The following GPHN variants were observed in gnomAD, a reference collection of about 807,000 sequenced individuals.
GPHN encodes the protein gephyrin.
In GPHN, 17 loss-of-function variants were observed where a neutral mutation model predicts 95.5. The observed-to-expected ratio is 0.18, with a 90% CI of 0.12 to 0.27. GPHN has a LOEUF of 0.27. Among genes scored for constraint, GPHN ranks in the 10% least tolerant of loss-of-function variants. The pLI is 1.00. For missense variants in GPHN, 660 were observed against 978.1 expected (o/e 0.67, Z 4.34); for synonymous variants, 320 against 322.5 (o/e 0.99, Z 0.08).
the GPHN span, among the ~76,000 whole-genome samples, chr14:67,371,050 A>T: frequency 6.6e-6 from 1 of 152,136 alleles, no homozygotes; most frequent in Admixed American, 6.5e-5. Flanking sequence ...TCTAGGCCAG[A>T]TGGTTAAATT....
chr14:67,379,363 A>G, the GPHN span, among the ~76,000 whole-genome samples: 2 of 152,026 alleles, frequency 1.3e-5, no homozygotes, highest in Admixed American at 1.3e-4. Context: ...GTATCTTTTG[A>G]TTTGCATACT....
At chr14:66,801,738 A>G (rs2060358325) in intron 3 of GPHN, among the ~76,000 whole-genome samples, 1 of 146,522 alleles carries the variant, frequency 6.8e-6, no homozygotes, top group Non-Finnish European at 1.5e-5. Context: ...AAGCCAGCAC[A>G]ATATTGGGTC....
intron 1 of GPHN, among the ~76,000 whole-genome samples, chr14:66,584,697 T>G (rs1282087877): frequency 2.6e-5 from 4 of 152,196 alleles, no homozygotes; most frequent in Non-Finnish European, 5.9e-5. Context: ...CATTTATTGA[T>G]TTTCGTATGT....
intron 1 of GPHN, among the ~76,000 whole-genome samples, chr14:66,652,752 G>T (rs1247868139): frequency 6.6e-6 from 1 of 152,120 alleles, no homozygotes; most frequent in Non-Finnish European, 1.5e-5. Context: ...CTTGTGAGCG[G>T]TTGGCAGAGA....
the GPHN span, chr14:67,384,479 A>G: frequency 1.3e-5 from 2 of 152,014 alleles, no homozygotes; most frequent in South Asian, 2.1e-4. Flanking sequence ...AGTCAGGTGT[A>G]GAAAATCTTG....
In GPHN at chr14:66,545,394, C is replaced by A. The variant is rs1466808179; in HGVS notation, c.64+36803C>A. 4.5e-5 allele frequency among the ~76,000 whole-genome samples: 6 copies of A among 133,328 alleles called. 1 individual carries two copies. The highest frequency in any genetic ancestry group is 2.5e-4 in the East Asian group (1 of 3,966). The allele number at this position is 133,328 out of a possible 152,430, so 87.5% of individuals were successfully genotyped here. A position where few individuals can be genotyped will look rare whatever the true frequency, so the allele number is the denominator to read the frequency against. ...TGGCCAGGCGGGGGGCTGACCCCCC[C>A]ACCTCCCTCCCGGATGGGGCGGCTG... On this transcript the variant is annotated intron_variant, in intron 1 of 22. Coordinates refer to ENST00000478722, the MANE Select transcript of GPHN (RefSeq NM_020806.5).
rs763215102 is a variant in GPHN, at chr14:67,110,242, A to T, written c.1396A>T (p.Ile466Phe). Reference protein sequence around the residue: ...AVVQVEDTELIRESDDGTEEL... With the variant: ...AVVQVEDTELFRESDDGTEEL... ...AGTACAAGTGGAAGATACCGAACTT[A>T]TCAGGGAATCAGATGATGTACGTCA... The change falls in exon 14 of 23, where the codon ATC becomes TTC. Residue 466 changes from isoleucine (I) to phenylalanine (F), a missense_variant. Physicochemically the swap from Ile to Phe is conservative, Grantham distance 21. This residue lies in a region of GPHN where 257 missense variants were observed against 376.2 expected (regional missense o/e 0.68). Transcript: ENST00000478722. 6.2e-7 allele frequency: 1 copy of T among 1,613,750 alleles called. No homozygotes were observed. Among genetic ancestry groups the T allele is most frequent in the Non-Finnish European group, 8.5e-7 (1 of 1,179,664 alleles).
the GPHN span, among the ~76,000 whole-genome samples, chr14:67,245,094 C>G: frequency 6.6e-6 from 1 of 152,190 alleles, no homozygotes; most frequent in African/African-American, 2.4e-5. Flanking sequence ...AAGAAAGCAG[C>G]CCTGCCAGTA....
At chr14:67,609,744 ACC>A in the GPHN span, among the ~76,000 whole-genome samples, 3 of 152,182 alleles carry the variant, frequency 2.0e-5, no homozygotes, top group African/African-American at 7.2e-5. Flanking sequence ...TGTTTCAGCA[ACC>A]AAGGACAAAA....
chr14:67,686,429 A>G, the GPHN span, among the ~76,000 whole-genome samples: 3 of 152,094 alleles, frequency 2.0e-5, no homozygotes, highest in Admixed American at 6.5e-5. Context: ...GCCTGAGCTC[A>G]GGAGTTATAG....
chr14:66,638,333 C>G (rs527476278), intron 1 of GPHN, among the ~76,000 whole-genome samples: 21 of 152,064 alleles, frequency 1.4e-4, no homozygotes, highest in Non-Finnish European at 2.6e-4. Context: ...ACTCAGGAGG[C>G]TGAGGCAGAA....
At chr14:66,562,813 C>T (rs569518890) in intron 1 of GPHN, among the ~76,000 whole-genome samples, 9 of 152,098 alleles carry the variant, frequency 5.9e-5, no homozygotes, top group East Asian at 1.9e-4. Flanking sequence ...AACTAAGAAT[C>T]GAATAGTCCT....
At chr14:67,489,908 T>G in the GPHN span, among the ~76,000 whole-genome samples, 1 of 151,440 alleles carries the variant, frequency 6.6e-6, no homozygotes, top group Non-Finnish European at 1.5e-5. Context: ...GAGAATGGCG[T>G]GAACCTGGGA....
intron 8 of GPHN, among the ~76,000 whole-genome samples, chr14:66,950,836 A>G (rs950718026): frequency 2.6e-5 from 4 of 152,126 alleles, no homozygotes; most frequent in Admixed American, 2.0e-4. Flanking sequence ...CATTTTTATC[A>G]TTTTGAAGGG....
chr14:67,114,681 C>A (rs185257527), intron 16 of GPHN, among the ~76,000 whole-genome samples: 3 of 152,212 alleles, frequency 2.0e-5, no homozygotes, highest in East Asian at 1.9e-4. Flanking sequence ...CAGAGTGAGA[C>A]CCTATCTCAC....
At chr14:66,669,331 T>C (rs1466585519) in intron 1 of GPHN, among the ~76,000 whole-genome samples, 1 of 149,062 alleles carries the variant, frequency 6.7e-6, no homozygotes, top group Non-Finnish European at 1.5e-5. Flanking sequence ...GCCATTGCAC[T>C]CCAGTCTGGG....
chr14:67,349,353 G>A, the GPHN span, among the ~76,000 whole-genome samples: 10 of 152,202 alleles, frequency 6.6e-5, no homozygotes, highest in African/African-American at 9.7e-5. Flanking sequence ...TTTAAAGTTC[G>A]TGGATTGCTT....
chr14:67,203,342 A>T, the GPHN span: 1 of 1,431,592 alleles, frequency 7.0e-7, no homozygotes, highest in Non-Finnish European at 9.4e-7. Context: ...GATGTGCATT[A>T]GCCCTGTGGA....
chr14:66,721,477 A>G (rs2070731887), intron 2 of GPHN, among the ~76,000 whole-genome samples: 2 of 152,190 alleles, frequency 1.3e-5, no homozygotes, highest in African/African-American at 2.4e-5. Context: ...CTATATACAT[A>G]TAACCTAAAG....
Sources: allele counts gnomAD v4.1 joint callset (sites outside exome capture counted in the v4.1 genomes callset), GRCh38; gene constraint gnomAD v4.1.1; regional missense constraint gnomAD v4.1.1; transcripts MANE v1.5; gene names NCBI Gene and HGNC (gene_info 2026-07-23, HGNC 2026-07-21).